Variants in CCDC180 observed in about 807,000 individuals in gnomAD.
The protein encoded by CCDC180 is coiled-coil domain-containing protein 180.
In CCDC180, 154 loss-of-function variants were observed where a neutral mutation model predicts 209.2. The observed-to-expected ratio is 0.74, with a 90% CI of 0.65 to 0.84. The LOEUF (loss-of-function observed/expected upper bound fraction) is 0.84. Ranked by LOEUF, CCDC180 falls within the 40% of genes least tolerant of loss-of-function variation. CCDC180 has a pLI of 0.00. For synonymous variants in CCDC180, 778 were observed against 749.1 expected, an observed-to-expected ratio of 1.04 and a Z score of -0.63; for missense variants, 1,874 against 1,997.3, an observed-to-expected ratio of 0.94 and a Z score of 1.18.
Position 97,366,755 on chromosome 9 carries a change from G to C in CCDC180, c.4189+55G>C. On this transcript the variant is annotated intron_variant, in intron 31 of 36. Coordinates refer to ENST00000529487, the MANE Select transcript of CCDC180 (RefSeq NM_020893.6). The surrounding 1 kb of genome is among the most constrained non-coding windows in gnomAD (Gnocchi z 4.3). ...AACAGGGCGGGGCGCGAAGCCAGTGGTGGAGCTCGGCCTTGGCCTTGTGGC... is the reference window on the plus strand; with the variant it reads ...AACAGGGCGGGGCGCGAAGCCAGTGCTGGAGCTCGGCCTTGGCCTTGTGGC... 1 of 1,588,938 alleles carries C rather than the reference G, an allele frequency of 6.3e-7. No individual in the cohort carries two copies. Among genetic ancestry groups the C allele is most frequent in the South Asian group, 1.2e-5 (1 of 86,630 alleles).
Position 97,326,692 on chromosome 9 carries a change from G to A in CCDC180, c.1661+23G>A, listed in dbSNP as rs1833545688. On this transcript the variant is annotated intron_variant, in intron 15 of 36. Transcript: ENST00000529487. The stretch of plus-strand genomic sequence containing the variant: ...CAGGTAGGCCAACCAGACTCCAGAA[G>A]GCAGGAAGGGATGGTCAGGAATTCA... 4 of 1,402,786 alleles carry A rather than the reference G, an allele frequency of 2.9e-6. No homozygotes were observed. The African/African-American group carries it at 5.7e-5, about 20-fold the overall frequency. The allele number at this position is 1,402,786 out of a possible 1,614,324, so 86.9% of individuals were successfully genotyped here.
At chr9:97,329,889 A>G (rs1165365778) in intron 16 of CCDC180, among the ~76,000 whole-genome samples, 2 of 152,092 alleles carry the variant, frequency 1.3e-5, no homozygotes, top group African/African-American at 4.8e-5. Context: ...TAACACGGTG[A>G]AACCCTGTCT....
intron 12 of CCDC180, among the ~76,000 whole-genome samples, chr9:97,323,309 T>G (rs1833416597): frequency 6.6e-6 from 1 of 152,182 alleles, no homozygotes; most frequent in African/African-American, 2.4e-5. Context: ...TGTTTATGAA[T>G]GGAGGTCATG....
intron 18 of CCDC180, among the ~76,000 whole-genome samples, chr9:97,337,748 C>A (rs913279283): frequency 6.6e-6 from 1 of 152,116 alleles, no homozygotes; most frequent in Admixed American, 6.5e-5. Flanking sequence ...GTACTAGCTC[C>A]TCTTTGTACC....
At chr9:97,326,956 G>A (rs1833553590) in intron 15 of CCDC180, among the ~76,000 whole-genome samples, 1 of 152,166 alleles carries the variant, frequency 6.6e-6, no homozygotes, top group Non-Finnish European at 1.5e-5. Context: ...ATCACCTGAG[G>A]ACAGGAGTTC....
At position 97,326,970 on chromosome 9, in the gene CCDC180, A is replaced by G. The variant is rs116601021; in HGVS notation, c.1661+301A>G. ...GATCACCTGAGGACAGGAGTTCAAGACCAAGCTGGCCAACATGGTGAAACC... is the reference window on the plus strand; with the variant it reads ...GATCACCTGAGGACAGGAGTTCAAGGCCAAGCTGGCCAACATGGTGAAACC... On this transcript the variant is annotated intron_variant, in intron 15 of 36. Coordinates refer to ENST00000529487, the MANE Select transcript of CCDC180 (RefSeq NM_020893.6). Among the ~76,000 whole-genome samples the G allele has an allele frequency of 2.1e-3, 325 of 152,280 alleles. 1 individual carries two copies. The highest frequency in any genetic ancestry group is 7.2e-3 in the African/African-American group (300 of 41,554).
chr9:97,359,582 C>T (rs547270926), intron 25 of CCDC180, among the ~76,000 whole-genome samples: 18 of 152,276 alleles, frequency 1.2e-4, no homozygotes, highest in African/African-American at 4.1e-4. Context: ...CACTCCTGCA[C>T]ACCCTTGCCA....
Position 97,314,896 on chromosome 9 carries a change from TC to T in CCDC180, c.747del (p.Tyr250ThrfsTer10). On this transcript the variant is annotated frameshift_variant, in exon 8 of 37. Transcript: ENST00000529487. LOFTEE classifies it high-confidence loss of function. The part of the protein sequence containing the change: ...KKYAEVIEKT[S>X]YLMRPEVYRL... ...ATATGCAGAAGTCATAGAGAAAACT[TC>T]CTACCTCATGCGGCCCGAAGTGTAC... 6.2e-7 allele frequency: 1 copy of T among 1,614,118 alleles called. No individual in the cohort carries two copies. The highest frequency in any genetic ancestry group is 8.5e-7 in the Non-Finnish European group (1 of 1,180,014).
chr9:97,370,041 G>A lies in CCDC180; in HGVS notation c.4309G>A (p.Gly1437Arg), dbSNP rs1488496768. 6.2e-7 allele frequency: 1 copy of A among 1,614,170 alleles called. No homozygotes were observed. The highest frequency in any genetic ancestry group is 8.5e-7 in the Non-Finnish European group (1 of 1,180,020). The change falls in exon 32 of 37, where the codon GGA (glycine) becomes AGA (arginine). Residue 1437 changes from glycine (G) to arginine (R), a missense_variant. Coordinates refer to ENST00000529487, the MANE Select transcript of CCDC180 (RefSeq NM_020893.6). ...KFFTSVKEIRGQFEEQQKRLE... is the reference protein window; with the variant it reads ...KFFTSVKEIRRQFEEQQKRLE... ...TTTCACCTCTGTGAAGGAGATCCGA[G>A]GACAGTTCGAGGAACAGCAGAAGCG...
At chr9:97,325,359 A>G (rs545282273) in intron 14 of CCDC180, among the ~76,000 whole-genome samples, 167 bp downstream of exon 14, 10 of 152,310 alleles carry the variant, frequency 6.6e-5, no homozygotes, top group Admixed American at 2.6e-4. Context: ...ATCTCCTGGA[A>G]CCAAATGTGT....
intron 24 of CCDC180, 53 bp from the exon 25 acceptor site, chr9:97,357,574 C>T: frequency 8.4e-7 from 1 of 1,189,020 alleles, no homozygotes; most frequent in Admixed American, 1.9e-5. Flanking sequence ...GAATGTTTCC[C>T]AGATCACAAT....
intron 16 of CCDC180, among the ~76,000 whole-genome samples, chr9:97,329,323 G>C (rs1259820589): frequency 6.6e-6 from 1 of 152,192 alleles, no homozygotes; most frequent in Non-Finnish European, 1.5e-5. Context: ...ACTTGCCCAA[G>C]ATCACTTAGC....
rs1486140029 is a variant in CCDC180 at position 97,378,466 on chromosome 9, A to C, written c.*1572A>C. 6.6e-6 allele frequency: 1 copy of C among 152,230 alleles called. No individual in the cohort carries two copies. The highest frequency in any genetic ancestry group is 2.4e-5 in the African/African-American group (1 of 41,458). 9.4% of individuals were successfully genotyped at this position (152,230 alleles called of 1,614,324 possible). ...TGCACACATACACAACTTGAGACCA[A>C]CAGGTCACAGGACAGCACTTAACCT... On this transcript the variant is annotated 3_prime_UTR_variant, in exon 37 of 37. Coordinates refer to ENST00000529487, the MANE Select transcript of CCDC180 (RefSeq NM_020893.6).
chr9:97,354,437 G>A, intron 22 of CCDC180, 132 bp from the exon 23 acceptor site: 3 of 861,634 alleles, frequency 3.5e-6, no homozygotes, highest in East Asian at 2.5e-5. Flanking sequence ...TAAGCTATCT[G>A]TGTTCATTTT....
At position 97,323,826 on chromosome 9, in the gene CCDC180, A is replaced by G. The variant is rs1191370300; in HGVS notation, c.1294A>G (p.Thr432Ala). ...AGCCTTCACTGAGGAGGAGGCAGAG[A>G]CCCTGGTGAACCAGTTCTTCTTCCA... ...WKAFTEEEAE[T>A]LVNQFFFQMV... Residue 432 changes from threonine (T) to alanine (A), a missense_variant, in exon 13 of 37, where the codon ACC (threonine) becomes GCC (alanine). Thr to Ala is a moderately conservative substitution (Grantham distance 58). Coordinates refer to ENST00000529487, the MANE Select transcript of CCDC180 (RefSeq NM_020893.6). The G allele has an allele frequency of 1.9e-6, 3 of 1,556,558 alleles. No individual in the cohort carries two copies. The highest frequency in any genetic ancestry group is 2.7e-5 in the African/African-American group (2 of 73,484).
chr9:97,349,458 A>T (rs1402301076), intron 21 of CCDC180, among the ~76,000 whole-genome samples, 167 bp downstream of exon 21: 2 of 152,328 alleles, frequency 1.3e-5, no homozygotes, highest in Admixed American at 1.3e-4. Flanking sequence ...CTCTGTGTGG[A>T]ATATTGCTTG....
chr9:97,312,249 A>C, intron 4 of CCDC180, 48 bp downstream of exon 4: 1 of 1,525,802 alleles, frequency 6.6e-7, no homozygotes, highest in East Asian at 2.3e-5. Context: ...GGCCAGGATG[A>C]GACCTGGGCA....
intron 18 of CCDC180, among the ~76,000 whole-genome samples, chr9:97,333,995 AT>A (rs964718158): frequency 2.6e-4 from 38 of 146,986 alleles, no homozygotes; most frequent in South Asian, 1.7e-3. Flanking sequence ...TAATTTTTGT[AT>A]TTTTTTTTTC....
At chr9:97,350,179 G>T (rs1462353046) in intron 21 of CCDC180, among the ~76,000 whole-genome samples, 1 of 148,422 alleles carries the variant, frequency 6.7e-6, no homozygotes, top group East Asian at 2.0e-4. Flanking sequence ...CCCCCAAACT[G>T]GTCACCCATC....
Sources: allele counts gnomAD v4.1 joint callset (sites outside exome capture counted in the v4.1 genomes callset), GRCh38; gene constraint gnomAD v4.1.1; non-coding constraint Gnocchi (gnomAD v3.1); transcripts MANE v1.5; gene names NCBI Gene and HGNC (gene_info 2026-07-23, HGNC 2026-07-21).